The following TBC1D16 variants were observed in gnomAD, a reference collection of about 807,000 sequenced individuals.
The protein encoded by TBC1D16 is CTD-2529O21.1.
Under a neutral mutation model 74.7 loss-of-function variants are expected in TBC1D16, and 58 were observed. That is an observed-to-expected ratio of 0.78 (90% confidence interval 0.63 to 0.97). The LOEUF is 0.97. Ranked by LOEUF, TBC1D16 falls within the 50% of genes least tolerant of loss-of-function variation. TBC1D16 has a pLI of 0.00. For missense variants in TBC1D16, 1,014 were observed against 1,079.5 expected (o/e 0.94, Z 0.85); for synonymous variants, 493 against 474.7 (o/e 1.04, Z -0.50).
Position 79,949,783 on chromosome 17 carries a change from G to A in TBC1D16, c.1340C>T (p.Thr447Met), listed in dbSNP as rs772484325. 2.5e-6 allele frequency: 4 copies of A among 1,613,586 alleles called. No individual in the cohort carries two copies. The highest frequency in any genetic ancestry group is 2.2e-5 in the East Asian group (1 of 44,876). The change falls in exon 7 of 12, where the codon ACG becomes ATG. Residue 447 changes from threonine (T) to methionine (M), a missense_variant. Coordinates refer to ENST00000310924, the MANE Select transcript of TBC1D16 (RefSeq NM_019020.4). Reference protein sequence around the residue: ...FLLRYYSHESTSEEREALRLQ... With the variant: ...FLLRYYSHESMSEEREALRLQ... ...CCGCAGCGCCTCCCGCTCCTCCGAC[G>A]TGGACTCGTGGCTGTAATAGCGCAG...
intron 9 of TBC1D16, 53 bp downstream of exon 9, chr17:79,947,592 G>A: frequency 6.3e-7 from 1 of 1,587,644 alleles, no homozygotes; most frequent in South Asian, 1.1e-5. Context: ...CAACGGGAGA[G>A]GCAACACGGG....
chr17:79,969,060 T>C (rs2033964824), intron 3 of TBC1D16, among the ~76,000 whole-genome samples: 1 of 152,108 alleles, frequency 6.6e-6, no homozygotes, highest in African/African-American at 2.4e-5. Context: ...AATAAGCACA[T>C]GAAAAATTCT....
rs937150504 is a variant in TBC1D16, at chr17:79,987,612, G to A, written c.779+22548C>T. Among the ~76,000 whole-genome samples, 2 of 152,124 alleles carry A rather than the reference G, an allele frequency of 1.3e-5. No homozygotes were observed. The highest frequency in any genetic ancestry group is 2.4e-5 in the African/African-American group (1 of 41,410). ...GTGACCAGGAGTCATGACTCTTTCC[G>A]AATGAAGGTGGGGATGGGGGTAGGG... is the stretch of plus-strand genomic sequence containing the variant. On this transcript the variant is annotated intron_variant, in intron 3 of 11. Transcript: ENST00000310924. The surrounding 1 kb of genome is among the most constrained non-coding windows in gnomAD (Gnocchi z 5.2).
intron 1 of TBC1D16, among the ~76,000 whole-genome samples, chr17:80,029,123 G>A (rs968230440): frequency 1.3e-5 from 2 of 152,172 alleles, no homozygotes; most frequent in African/African-American, 2.4e-5. Flanking sequence ...TTAAGAATTA[G>A]AGCACCATTG....
intron 1 of TBC1D16, among the ~76,000 whole-genome samples, chr17:80,034,006 A>G (rs1295779383): frequency 6.6e-6 from 1 of 152,170 alleles, no homozygotes; most frequent in Non-Finnish European, 1.5e-5. Context: ...TGTCACTCCT[A>G]ACTGCATGAG....
Position 79,944,177 on chromosome 17 carries a change from T to C in TBC1D16, c.1908+731A>G. 1 of 1,530,962 alleles carries C rather than the reference T, an allele frequency of 6.5e-7. No individual in the cohort carries two copies. The highest frequency in any genetic ancestry group is 8.8e-7 in the Non-Finnish European group (1 of 1,142,498). The allele number at this position is 1,530,962 out of a possible 1,614,324, so 94.8% of individuals were successfully genotyped here. On this transcript the variant is annotated intron_variant, in intron 10 of 11. Transcript: ENST00000310924. This position sits in a 1 kb window ranked among gnomAD's most constrained non-coding sequence, Gnocchi z 7.7. Reference sequence around the variant, plus strand: ...CAGCAGATGGGTGTTTGCCTCCATCTTCAGGGTTCTCTGACGGAGGCTGCT... The same window carrying C: ...CAGCAGATGGGTGTTTGCCTCCATCCTCAGGGTTCTCTGACGGAGGCTGCT...
At chr17:80,032,935 G>C (rs1026804025) in intron 1 of TBC1D16, among the ~76,000 whole-genome samples, 1 of 152,176 alleles carries the variant, frequency 6.6e-6, no homozygotes, top group African/African-American at 2.4e-5. Context: ...AGGTGGTGTT[G>C]CCAGGCAACC....
At chr17:80,015,710 T>C (rs1283873656) in intron 1 of TBC1D16, among the ~76,000 whole-genome samples, 1 of 152,046 alleles carries the variant, frequency 6.6e-6, no homozygotes, top group Non-Finnish European at 1.5e-5. Context: ...TTATTTGGCC[T>C]TAAAAGAAAG....
intron 3 of TBC1D16, among the ~76,000 whole-genome samples, chr17:79,968,347 C>G (rs953647305): frequency 3.3e-5 from 5 of 152,204 alleles, no homozygotes; most frequent in Admixed American, 6.5e-5. Flanking sequence ...ACAGAGACAA[C>G]TGGATAGCCA....
chr17:80,012,824 G>A (rs2035942989), intron 2 of TBC1D16, among the ~76,000 whole-genome samples: 2 of 152,160 alleles, frequency 1.3e-5, no homozygotes. Flanking sequence ...AGGACACTGG[G>A]GCCCTGAAAC....
chr17:79,945,178 C>T, intron 9 of TBC1D16, 91 bp from the exon 10 acceptor site: 1 of 1,387,278 alleles, frequency 7.2e-7, no homozygotes, highest in Non-Finnish European at 9.6e-7. Flanking sequence ...CTTCCCTGGG[C>T]CACCCCAGCC....
At chr17:79,958,975 A>G (rs2033472953) in intron 3 of TBC1D16, among the ~76,000 whole-genome samples, 1 of 152,264 alleles carries the variant, frequency 6.6e-6, no homozygotes, top group Non-Finnish European at 1.5e-5. Context: ...TTCAGTTGAT[A>G]CAACTGTTCA....
intron 2 of TBC1D16, among the ~76,000 whole-genome samples, chr17:80,012,065 C>G (rs1213662008): frequency 2.0e-5 from 3 of 150,654 alleles, no homozygotes; most frequent in African/African-American, 7.3e-5. Flanking sequence ...CAGCACCACG[C>G]AGTTTCAGGA....
In TBC1D16 at chr17:79,979,537, C is replaced by T. The variant is rs987495210; in HGVS notation, c.780-26719G>A. On this transcript the variant is annotated intron_variant, in intron 3 of 11. Coordinates refer to ENST00000310924, the MANE Select transcript of TBC1D16 (RefSeq NM_019020.4). This position sits in a 1 kb window ranked among gnomAD's most constrained non-coding sequence, Gnocchi z 4.8. ...ACGTCCCTGTGTCATCTCTGCAGGACCAAACAGTCAATTAGTATCCAAATA... is the reference window on the plus strand; with the variant it reads ...ACGTCCCTGTGTCATCTCTGCAGGATCAAACAGTCAATTAGTATCCAAATA... Among the ~76,000 whole-genome samples the T allele has an allele frequency of 7.9e-5, 12 of 152,250 alleles. No individual in the cohort carries two copies. Among genetic ancestry groups the T allele is most frequent in the African/African-American group, 2.9e-4 (12 of 41,536 alleles).
At position 79,994,612 on chromosome 17, in the gene TBC1D16, CAG is replaced by C. The variant is rs1249383942; in HGVS notation, c.779+15546_779+15547del. 6.6e-6 allele frequency among the ~76,000 whole-genome samples: 1 copy of C among 152,122 alleles called. No homozygotes were observed. The highest frequency in any genetic ancestry group is 6.6e-5 in the Admixed American group (1 of 15,264). Reference sequence around the variant, plus strand: ...CTAATTTTTGTATTTTTAATAGAGACAGGGTTTCACCATGTTGGCCAGGCTTG... The same window carrying C: ...CTAATTTTTGTATTTTTAATAGAGACGGTTTCACCATGTTGGCCAGGCTTG... On this transcript the variant is annotated intron_variant, in intron 3 of 11. Coordinates refer to ENST00000310924, the MANE Select transcript of TBC1D16 (RefSeq NM_019020.4). This position sits in a 1 kb window ranked among gnomAD's most constrained non-coding sequence, Gnocchi z 4.6.
chr17:79,982,987 C>T (rs889045445), intron 3 of TBC1D16, among the ~76,000 whole-genome samples: 9 of 152,186 alleles, frequency 5.9e-5, no homozygotes, highest in Admixed American at 2.6e-4. Flanking sequence ...AATACTGAAC[C>T]TGCGTCATCC....
rs558465251 is a variant in TBC1D16, at chr17:79,994,406, A to ATTTTG, written c.779+15749_779+15753dup. 1.9e-3 allele frequency among the ~76,000 whole-genome samples: 284 copies of ATTTTG among 152,048 alleles called. No homozygotes were observed. Among genetic ancestry groups the ATTTTG allele is most frequent in the African/African-American group, 6.5e-3 (269 of 41,482 alleles). Reference sequence around the variant, plus strand: ...CATGAAGAAGGGCTGGCCAGAGAATATTTTGTTTTGTTTTGTTTTGTTTAT... The same window carrying ATTTTG: ...CATGAAGAAGGGCTGGCCAGAGAATATTTTGTTTTGTTTTGTTTTGTTTTGTTTAT... On this transcript the variant is annotated intron_variant, in intron 3 of 11. Coordinates refer to ENST00000310924, the MANE Select transcript of TBC1D16 (RefSeq NM_019020.4). This position sits in a 1 kb window ranked among gnomAD's most constrained non-coding sequence, Gnocchi z 4.6.
In TBC1D16 at chr17:79,987,334, C is replaced by T. The variant is rs2034880389; in HGVS notation, c.779+22826G>A. Among the ~76,000 whole-genome samples, 2 of 152,034 alleles carry T rather than the reference C, an allele frequency of 1.3e-5. No individual in the cohort carries two copies. Among genetic ancestry groups the T allele is most frequent in the African/African-American group, 4.8e-5 (2 of 41,402 alleles). On this transcript the variant is annotated intron_variant, in intron 3 of 11. Coordinates refer to ENST00000310924, the MANE Select transcript of TBC1D16 (RefSeq NM_019020.4). The surrounding 1 kb of genome is among the most constrained non-coding windows in gnomAD (Gnocchi z 5.2). ...CAGCTCACTGCAACCTCCGCTTCCA[C>T]CTCTTGGGCTCAAGCGATCCTCCCA...
intron 2 of TBC1D16, among the ~76,000 whole-genome samples, chr17:80,013,017 A>G (rs1423377012): frequency 1.3e-5 from 2 of 152,212 alleles, no homozygotes; most frequent in Non-Finnish European, 2.9e-5. Flanking sequence ...GGCCACTCCC[A>G]TGAGGTTGTT....
Sources: allele counts gnomAD v4.1 joint callset (sites outside exome capture counted in the v4.1 genomes callset), GRCh38; gene constraint gnomAD v4.1.1; non-coding constraint Gnocchi (gnomAD v3.1); transcripts MANE v1.5; gene names NCBI Gene and HGNC (gene_info 2026-07-23, HGNC 2026-07-21).